The following CPNE4 variants were observed in gnomAD, a reference collection of about 807,000 sequenced individuals.
CPNE4 encodes copine 4.
In CPNE4, 25 loss-of-function variants were observed where a neutral mutation model predicts 67.9. The observed-to-expected ratio is 0.37, with a 90% CI of 0.27 to 0.51. The LOEUF is 0.51. Among genes scored for constraint, CPNE4 ranks in the 20% least tolerant of loss-of-function variants. The probability of loss-of-function intolerance (pLI) is 0.93; values close to 1 mark genes in which losing one functional copy is unlikely to be tolerated. For synonymous variants in CPNE4, 242 were observed against 244.9 expected (o/e 0.99, Z 0.11); for missense variants, 464 against 690.8 (o/e 0.67, Z 3.68).
intron 1 of CPNE4, among the ~76,000 whole-genome samples, chr3:131,962,341 G>A (rs529257858): frequency 1.1e-4 from 17 of 152,270 alleles, no homozygotes; most frequent in East Asian, 1.9e-4. Flanking sequence ...CTAACCACCC[G>A]ATCTGACAGT....
chr3:131,594,873 T>A (rs1364873653), intron 7 of CPNE4, among the ~76,000 whole-genome samples: 1 of 151,984 alleles, frequency 6.6e-6, no homozygotes, highest in African/African-American at 2.4e-5. Context: ...AACAAAAAAC[T>A]CAATTAAAAA....
At chr3:131,764,135 C>T (rs929717453) in intron 2 of CPNE4, among the ~76,000 whole-genome samples, 32 of 152,026 alleles carry the variant, frequency 2.1e-4, no homozygotes, top group African/African-American at 7.5e-4. Context: ...GGACTCCAAA[C>T]TCAGTGTTCT....
chr3:131,754,655 G>A (rs2107802746), intron 2 of CPNE4, among the ~76,000 whole-genome samples: 1 of 152,248 alleles, frequency 6.6e-6, no homozygotes, highest in East Asian at 1.9e-4. Flanking sequence ...TTAAAAATGT[G>A]TAACACTGAA....
At chr3:131,580,667 A>G (rs78853124) in intron 9 of CPNE4, among the ~76,000 whole-genome samples, 5,506 of 152,238 alleles carry the variant, frequency 0.036, 296 homozygotes, top group African/African-American at 0.12. Flanking sequence ...TGTGGTAAGA[A>G]TTAAACAGAG....
chr3:131,625,686 C>A (rs947004717), intron 7 of CPNE4, among the ~76,000 whole-genome samples: 3 of 152,084 alleles, frequency 2.0e-5, no homozygotes, highest in Non-Finnish European at 4.4e-5. Flanking sequence ...AGAACTAAAT[C>A]CTATATATTC....
chr3:131,601,388 C>T (rs1437508206), intron 7 of CPNE4, among the ~76,000 whole-genome samples: 1 of 151,964 alleles, frequency 6.6e-6, no homozygotes, highest in Non-Finnish European at 1.5e-5. Flanking sequence ...TGATATAGTG[C>T]AGGTGATGGA....
intron 2 of CPNE4, among the ~76,000 whole-genome samples, chr3:131,836,293 C>G (rs1422377858): frequency 6.6e-6 from 1 of 152,086 alleles, no homozygotes; most frequent in Admixed American, 6.6e-5. Flanking sequence ...GGATGCAAAG[C>G]TGGTTCAATA....
intron 2 of CPNE4, among the ~76,000 whole-genome samples, chr3:131,871,512 C>G (rs1194018615): frequency 6.6e-6 from 1 of 152,102 alleles, no homozygotes; most frequent in African/African-American, 2.4e-5. Flanking sequence ...TGCTCACACC[C>G]TGGAAGCATG....
At chr3:131,702,981 G>A (rs576349858) in intron 3 of CPNE4, among the ~76,000 whole-genome samples, 5 of 152,254 alleles carry the variant, frequency 3.3e-5, no homozygotes, top group Admixed American at 2.0e-4. Context: ...TAATAATCAG[G>A]GTTTTGAATT....
intron 1 of CPNE4, among the ~76,000 whole-genome samples, chr3:131,907,513 C>T (rs1376092219): frequency 2.6e-5 from 4 of 152,084 alleles, no homozygotes; most frequent in Non-Finnish European, 5.9e-5. Context: ...CACACACACA[C>T]ACACACTCAA....
At chr3:131,632,236 G>A (rs1237431431) in intron 7 of CPNE4, among the ~76,000 whole-genome samples, 3 of 151,854 alleles carry the variant, frequency 2.0e-5, no homozygotes, top group South Asian at 2.1e-4. Context: ...TCTCGAACTC[G>A]TGACCTCAGG....
chr3:131,537,281 C>CTGT (rs1416901349), intron 15 of CPNE4, among the ~76,000 whole-genome samples: 3 of 138,076 alleles, frequency 2.2e-5, no homozygotes, highest in Non-Finnish European at 3.1e-5. Context: ...TTTTTCTTTT[C>CTGT]TGTTTTTTTT....
At chr3:131,972,555 C>T (rs114372565) in intron 1 of CPNE4, among the ~76,000 whole-genome samples, 2,419 of 152,236 alleles carry the variant, frequency 0.016, 63 homozygotes, top group African/African-American at 0.055. Context: ...ATGGAACAAA[C>T]GGTGCCCCTC....
chr3:131,663,566 T>C (rs1338621955), intron 7 of CPNE4, among the ~76,000 whole-genome samples: 1 of 152,162 alleles, frequency 6.6e-6, no homozygotes, highest in East Asian at 1.9e-4. Flanking sequence ...AAATGGCCTG[T>C]ACCAGCATTG....
intron 3 of CPNE4, among the ~76,000 whole-genome samples, chr3:131,700,988 G>T (rs567719680): frequency 2.6e-5 from 4 of 151,020 alleles, no homozygotes; most frequent in Non-Finnish European, 5.9e-5. Context: ...GCAAACTATC[G>T]CAAGGACAAA....
At chr3:131,842,745 A>AG (rs2085840134) in intron 2 of CPNE4, among the ~76,000 whole-genome samples, 4 of 150,732 alleles carry the variant, frequency 2.7e-5, no homozygotes, top group African/African-American at 7.3e-5. Context: ...AAAAAAAAAA[A>AG]AAAAGAAAAA....
chr3:131,800,935 A>T (rs1268885524), intron 2 of CPNE4, among the ~76,000 whole-genome samples: 1 of 152,188 alleles, frequency 6.6e-6, no homozygotes, highest in Non-Finnish European at 1.5e-5. Context: ...AGGTAAATGC[A>T]TCAGATCATC....
chr3:131,564,470 C>A (rs1202822781), intron 10 of CPNE4, 121 bp from the exon 11 acceptor site: 5 of 863,958 alleles, frequency 5.8e-6, no homozygotes, highest in East Asian at 5.4e-5. Flanking sequence ...CATACCCTGC[C>A]AATAAAGAAA....
chr3:131,895,725 A>G lies in CPNE4; in HGVS notation c.180+9539T>C, dbSNP rs548853835. Among the ~76,000 whole-genome samples the G allele has an allele frequency of 3.3e-5, 5 of 152,192 alleles. No individual in the cohort carries two copies. In the South Asian group the frequency reaches 8.3e-4, roughly 25 times the overall value. On this transcript the variant is annotated intron_variant, in intron 2 of 15. Coordinates refer to ENST00000429747, the MANE Select transcript of CPNE4 (RefSeq NM_130808.3). The stretch of plus-strand genomic sequence containing the variant: ...CATCTCACTAAAGTTGATAAAAAGG[A>G]AGAAATTGTATTTATATTTCAAACA...
Sources: gnomAD v4.1 joint callset for allele counts (sites outside exome capture counted in the v4.1 genomes callset) on GRCh38, gnomAD v4.1.1 for gene constraint, MANE v1.5 for transcripts, NCBI Gene and HGNC (gene_info 2026-07-23, HGNC 2026-07-21) for gene names.